The following LRP4 variants were observed in gnomAD, a reference collection of about 807,000 sequenced individuals.
LRP4 encodes the protein LDL receptor related protein 4.
Under a neutral mutation model 220.3 loss-of-function variants are expected in LRP4, and 95 were observed. The observed-to-expected ratio is 0.43, with a 90% CI of 0.37 to 0.51. The LOEUF (loss-of-function observed/expected upper bound fraction) is 0.51. Ranked by LOEUF, LRP4 falls within the 20% of genes least tolerant of loss-of-function variation. The pLI is 0.00. For missense variants in LRP4, 1,925 were observed against 2,567.0 expected, an observed-to-expected ratio of 0.75 and a Z score of 5.40; for synonymous variants, 903 against 954.6, an observed-to-expected ratio of 0.95 and a Z score of 1.00.
intron 1 of LRP4, among the ~76,000 whole-genome samples, chr11:46,903,569 G>A (rs982459496): frequency 3.3e-5 from 5 of 152,168 alleles, no homozygotes. Context: ...TGAAGAAGAG[G>A]AACAAGGGAC....
At chr11:46,877,681 C>T (rs913761234) in intron 22 of LRP4, among the ~76,000 whole-genome samples, 1 of 152,020 alleles carries the variant, frequency 6.6e-6, no homozygotes, top group African/African-American at 2.4e-5. Flanking sequence ...ATTGCCCAGG[C>T]TGGTCTGAAA....
chr11:46,859,606 C>CTTTA (rs2134751986), intron 37 of LRP4, among the ~76,000 whole-genome samples: 1 of 152,272 alleles, frequency 6.6e-6, no homozygotes, highest in Non-Finnish European at 1.5e-5. Context: ...TTTCACATTT[C>CTTTA]TAAAACTCAG....
chr11:46,859,048 G>C lies in LRP4; in HGVS notation c.5653C>G (p.Arg1885Gly). The C allele has an allele frequency of 1.2e-6, 2 of 1,614,118 alleles. No homozygotes were observed. Among genetic ancestry groups the C allele is most frequent in the Non-Finnish European group, 1.7e-6 (2 of 1,180,008 alleles). ...CAGCCCGTGTCTGGCAGAGAGCCTC[G>C]TCTTTCTGGAGTGGCTGCAGTATGG... ...SVHTAATPERRGSLPDTGWKH... is the reference protein window; with the variant it reads ...SVHTAATPERGGSLPDTGWKH... The change falls in exon 38 of 38, where the codon CGA (arginine) becomes GGA (glycine). Residue 1885 changes from arginine to glycine, a missense_variant. This residue lies in a region of LRP4 where 1,244 missense variants were observed against 1,624.9 expected (regional missense o/e 0.77). Transcript: ENST00000378623.
At position 46,875,743 on chromosome 11, in the gene LRP4, C is replaced by A; in HGVS notation, c.3699+61G>T. The A allele has an allele frequency of 1.2e-6, 2 of 1,612,914 alleles. No homozygotes were observed. Among genetic ancestry groups the A allele is most frequent in the East Asian group, 2.2e-5 (1 of 44,870 alleles). On this transcript the variant is annotated intron_variant, in intron 26 of 37. Coordinates refer to ENST00000378623, the MANE Select transcript of LRP4 (RefSeq NM_002334.4). The surrounding 1 kb of genome is among the most constrained non-coding windows in gnomAD (Gnocchi z 4.5). ...CAGATTGGGAACTCTCCATGGAGAT[C>A]CTAGGCAGGCCTTTCCCATCTTCCC...
chr11:46,899,284 C>A lies in LRP4; in HGVS notation c.547+103G>T, dbSNP rs1941614275. The A allele has an allele frequency of 9.8e-7, 1 of 1,020,842 alleles. No individual in the cohort carries two copies. The highest frequency in any genetic ancestry group is 1.3e-5 in the South Asian group (1 of 78,730). 63.2% of individuals were successfully genotyped at this position (1,020,842 alleles called of 1,614,324 possible). Reference sequence around the variant, plus strand: ...AGGAGCTGCTGCTGAGGCACCCATGCTCCTTGCCCTTGGTACATGCACTCC... The same window carrying A: ...AGGAGCTGCTGCTGAGGCACCCATGATCCTTGCCCTTGGTACATGCACTCC... On this transcript the variant is annotated intron_variant, in intron 5 of 37. Coordinates refer to ENST00000378623, the MANE Select transcript of LRP4 (RefSeq NM_002334.4). This position sits in a 1 kb window ranked among gnomAD's most constrained non-coding sequence, Gnocchi z 5.9.
chr11:46,902,164 C>A (rs1941677747), intron 2 of LRP4, among the ~76,000 whole-genome samples: 1 of 151,686 alleles, frequency 6.6e-6, no homozygotes, highest in Non-Finnish European at 1.5e-5. Flanking sequence ...TCGAGACCAG[C>A]CTGGCCAAAA....
chr11:46,886,609 C>T (rs758532789), intron 16 of LRP4, 76 bp from the exon 17 acceptor site: 133 of 1,239,448 alleles, frequency 1.1e-4, no homozygotes, highest in Non-Finnish European at 1.4e-4. Context: ...CGCTCACCTG[C>T]GTGACATCTG....
intron 35 of LRP4, 33 bp downstream of exon 35, chr11:46,865,085 TC>T (rs1940658955): frequency 6.5e-7 from 1 of 1,539,888 alleles, no homozygotes; most frequent in Non-Finnish European, 8.8e-7. Context: ...CATTACATCT[TC>T]TTTTCCGGAA....
At position 46,899,804 on chromosome 11, in the gene LRP4, C is replaced by A; in HGVS notation, c.430+59G>T. The A allele has an allele frequency of 7.3e-7, 1 of 1,370,822 alleles. No homozygotes were observed. The highest frequency in any genetic ancestry group is 1.0e-6 in the Non-Finnish European group (1 of 961,928). The allele number at this position is 1,370,822 out of a possible 1,614,324, so 84.9% of individuals were successfully genotyped here. On this transcript the variant is annotated intron_variant, in intron 4 of 37. Transcript: ENST00000378623. The surrounding 1 kb of genome is among the most constrained non-coding windows in gnomAD (Gnocchi z 5.9). ...GCTAGGGCCATTGCTGCTATCTTCTCCCATGGCCAGGCCACCCACTGGCCA... is the reference window on the plus strand; with the variant it reads ...GCTAGGGCCATTGCTGCTATCTTCTACCATGGCCAGGCCACCCACTGGCCA...
chr11:46,885,019 T>G (rs1417471382), intron 18 of LRP4, among the ~76,000 whole-genome samples: 2 of 152,198 alleles, frequency 1.3e-5, no homozygotes, highest in African/African-American at 4.8e-5. Flanking sequence ...AGGCTCTTGC[T>G]CTGTTGCCTA....
At chr11:46,895,317 A>G (rs778573995) in intron 10 of LRP4, 26 bp from the exon 11 acceptor site, 1 of 1,609,952 alleles carries the variant, frequency 6.2e-7, no homozygotes, top group South Asian at 1.1e-5. Flanking sequence ...AGGTCAAGAG[A>G]TCTCCCTTCT....
intron 11 of LRP4, 93 bp downstream of exon 11, chr11:46,895,073 T>C: frequency 6.6e-7 from 1 of 1,521,384 alleles, no homozygotes; most frequent in Non-Finnish European, 9.0e-7. Flanking sequence ...CAGAAATCTC[T>C]CTACCTCTCT....
chr11:46,894,570 A>G lies in LRP4; in HGVS notation c.1540+19T>C. On this transcript the variant is annotated intron_variant, in intron 12 of 37. Coordinates refer to ENST00000378623, the MANE Select transcript of LRP4 (RefSeq NM_002334.4). ...ATGTGGCATGGCTCTGCCCCTCTCC[A>G]TGGGGCCTTGTTCCCTACCTGGGCT... The G allele has an allele frequency of 6.4e-7, 1 of 1,570,472 alleles. No individual in the cohort carries two copies. The highest frequency in any genetic ancestry group is 1.7e-4 in the Middle Eastern group (1 of 6,000).
At position 46,873,246 on chromosome 11, in the gene LRP4, C is replaced by T. The variant is rs781354280; in HGVS notation, c.4449-12G>A. On this transcript the variant is annotated splice_polypyrimidine_tract_variant and intron_variant, in intron 29 of 37. Coordinates refer to ENST00000378623, the MANE Select transcript of LRP4 (RefSeq NM_002334.4). This position sits in a 1 kb window ranked among gnomAD's most constrained non-coding sequence, Gnocchi z 4.2. ...TCCAGAAGAGGTACCTGAGACACAA[C>T]AGTGCCATCATCATCAAGGCATGGG... is the stretch of plus-strand genomic sequence containing the variant. 5 of 1,614,214 alleles carry T rather than the reference C, an allele frequency of 3.1e-6. No homozygotes were observed. Among genetic ancestry groups the T allele is most frequent in the Non-Finnish European group, 2.5e-6 (3 of 1,180,038 alleles).
At chr11:46,877,479 A>T in intron 22 of LRP4, 140 bp from the exon 23 acceptor site, 1 of 945,024 alleles carries the variant, frequency 1.1e-6, no homozygotes, top group Non-Finnish European at 1.6e-6. Flanking sequence ...AATTATTATT[A>T]TTTTTTGAGA....
chr11:46,862,577 G>T, intron 37 of LRP4, 29 bp downstream of exon 37: 8 of 1,613,586 alleles, frequency 5.0e-6, no homozygotes, highest in Non-Finnish European at 6.8e-6. Context: ...TCGCCAAAAA[G>T]ACCCTTGAAT....
At chr11:46,862,068 C>CAAAAAAAAAAAAAAAAAAAAAAAGAAA in intron 37 of LRP4, among the ~76,000 whole-genome samples, 1 of 63,702 alleles carries the variant, frequency 1.6e-5, no homozygotes, top group South Asian at 6.9e-4. Context: ...AACTCTGTCT[C>CAAAAAAAAAAAAAAAAAAAAAAAGAAA]AAAAAAAAAA....
Position 46,886,099 on chromosome 11 carries a change from G to C in LRP4, c.2498C>G (p.Thr833Arg), listed in dbSNP as rs773987144. The C allele has an allele frequency of 6.2e-7, 1 of 1,613,978 alleles. No individual in the cohort carries two copies. The highest frequency in any genetic ancestry group is 1.1e-5 in the South Asian group (1 of 91,086). ...IDWVTNKLYW[T>R]DAGTDRIEVA... ...GGCTCCCCTATGCATACCTGCATCTGTCCAGTACAGTTTGTTGGTGACCCA... is the reference window on the plus strand; with the variant it reads ...GGCTCCCCTATGCATACCTGCATCTCTCCAGTACAGTTTGTTGGTGACCCA... The change falls in exon 18 of 38, where the codon ACA (threonine) becomes AGA (arginine). Residue 833 changes from threonine to arginine, a missense_variant. Around this residue, in one of 3 missense-constraint regions of LRP4, gnomAD observed 1,244 missense variants for 1,624.9 expected, o/e 0.77. Transcript: ENST00000378623.
intron 7 of LRP4, among the ~76,000 whole-genome samples, chr11:46,897,933 C>G (rs1470906502): frequency 6.6e-6 from 1 of 152,166 alleles, no homozygotes; most frequent in Non-Finnish European, 1.5e-5. Context: ...GGGCTCCTCA[C>G]TTCCCAGTAG....
Sources: gnomAD v4.1 joint callset for allele counts (sites outside exome capture counted in the v4.1 genomes callset) on GRCh38, gnomAD v4.1.1 for gene constraint, gnomAD v4.1.1 regional missense constraint, Gnocchi (gnomAD v3.1) non-coding constraint, MANE v1.5 for transcripts, NCBI Gene and HGNC (gene_info 2026-07-23, HGNC 2026-07-21) for gene names.